The following CNTNAP2 variants were observed in gnomAD, a reference collection of about 807,000 sequenced individuals.
CNTNAP2 encodes contactin associated protein 2.
In CNTNAP2, 98 loss-of-function variants were observed where a neutral mutation model predicts 155.2. The observed-to-expected ratio is 0.63, with a 90% CI of 0.54 to 0.75. The LOEUF (loss-of-function observed/expected upper bound fraction) is 0.75. Ranked by LOEUF, CNTNAP2 falls within the 30% of genes least tolerant of loss-of-function variation. CNTNAP2 has a pLI of 0.00. For synonymous variants in CNTNAP2, 651 were observed against 631.2 expected (o/e 1.03, Z -0.47); for missense variants, 1,727 against 1,688.1 (o/e 1.02, Z -0.40).
At chr7:146,634,255 T>A (rs1799561527) in intron 1 of CNTNAP2, among the ~76,000 whole-genome samples, 1 of 152,208 alleles carries the variant, frequency 6.6e-6, no homozygotes, top group Non-Finnish European at 1.5e-5. Context: ...CTTCAAAATA[T>A]TTCTGAAAAC....
chr7:146,956,242 C>T (rs1797433275), intron 3 of CNTNAP2, among the ~76,000 whole-genome samples: 3 of 152,110 alleles, frequency 2.0e-5, no homozygotes, highest in Admixed American at 2.0e-4. Context: ...CAGAGATATT[C>T]TGCACTGACC....
chr7:147,515,333 GTTTGT>G, intron 11 of CNTNAP2, among the ~76,000 whole-genome samples: 1 of 133,746 alleles, frequency 7.5e-6, no homozygotes, highest in South Asian at 2.4e-4. Flanking sequence ...TTTTTTGTTT[GTTTGT>G]TTTGAGACAA....
chr7:148,247,617 CTCTCTCTCTATT>C (rs1490577427), intron 20 of CNTNAP2, among the ~76,000 whole-genome samples: 11 of 146,776 alleles, frequency 7.5e-5, no homozygotes, highest in Non-Finnish European at 1.2e-4. Flanking sequence ...CTCTCTCTCT[CTCTCTCTCTATT>C]TATTTATTTA....
chr7:147,474,011 G>A (rs556358226), intron 10 of CNTNAP2, among the ~76,000 whole-genome samples: 15 of 151,998 alleles, frequency 9.9e-5, no homozygotes, highest in Non-Finnish European at 1.8e-4. Context: ...CCTTGGAGGC[G>A]GAGGTTGTGG....
chr7:147,372,885 G>A (rs182099148), intron 9 of CNTNAP2, among the ~76,000 whole-genome samples: 1 of 152,118 alleles, frequency 6.6e-6, no homozygotes, highest in East Asian at 1.9e-4. Flanking sequence ...AAAGCTCCCT[G>A]TCTATGGGCA....
intron 1 of CNTNAP2, among the ~76,000 whole-genome samples, chr7:146,268,433 A>C (rs1324763880): frequency 6.6e-6 from 1 of 152,176 alleles, no homozygotes; most frequent in African/African-American, 2.4e-5. Flanking sequence ...GGACCAAATA[A>C]ATCTTCATGT....
At position 146,384,809 on chromosome 7, in the gene CNTNAP2, C is replaced by T. The variant is rs146761547; in HGVS notation, c.97+267836C>T. 8.3e-3 allele frequency among the ~76,000 whole-genome samples: 1,267 copies of T among 152,216 alleles called. 19 individuals are homozygous for T. Among genetic ancestry groups the T allele is most frequent in the African/African-American group, 0.029 (1,196 of 41,550 alleles). On this transcript the variant is annotated intron_variant, in intron 1 of 23. Coordinates refer to ENST00000361727, the MANE Select transcript of CNTNAP2 (RefSeq NM_014141.6). ...TGTCTTCTGAAAGGCCTTTTGACTCCTTGACTGTGTTAGTCTTTTTTCGAT... is the reference window on the plus strand; with the variant it reads ...TGTCTTCTGAAAGGCCTTTTGACTCTTTGACTGTGTTAGTCTTTTTTCGAT...
At chr7:146,597,406 TA>T (rs548659234) in intron 1 of CNTNAP2, among the ~76,000 whole-genome samples, 1 of 151,998 alleles carries the variant, frequency 6.6e-6, no homozygotes, top group Admixed American at 6.6e-5. Context: ...ATGGCAATTT[TA>T]AAAAAATGAA....
chr7:147,595,428 TA>T (rs1800809950), intron 12 of CNTNAP2, among the ~76,000 whole-genome samples: 2 of 152,212 alleles, frequency 1.3e-5, no homozygotes, highest in African/African-American at 4.8e-5. Context: ...GGTCTGGATA[TA>T]AATGTTACTC....
At chr7:147,334,334 G>T (rs1351693760) in intron 9 of CNTNAP2, among the ~76,000 whole-genome samples, 4 of 152,108 alleles carry the variant, frequency 2.6e-5, no homozygotes, top group Non-Finnish European at 5.9e-5. Context: ...GGAATTGCTT[G>T]TCTCTTTCTT....
At chr7:147,604,564 A>ACTTCTCTGCCCCACCCACTTTG (rs1436397133) in intron 12 of CNTNAP2, among the ~76,000 whole-genome samples, 1 of 152,122 alleles carries the variant, frequency 6.6e-6, no homozygotes, top group Non-Finnish European at 1.5e-5. Flanking sequence ...GGAGCCTGCT[A>ACTTCTCTGCCCCACCCACTTTG]CTTCTCTGCC....
intron 3 of CNTNAP2, among the ~76,000 whole-genome samples, chr7:146,957,885 A>G (rs936064273): frequency 1.3e-5 from 2 of 152,206 alleles, no homozygotes; most frequent in Admixed American, 1.3e-4. Context: ...TGGACTTATC[A>G]AGAATGATAA....
At position 147,358,187 on chromosome 7, in the gene CNTNAP2, C is replaced by A. The variant is rs548405493; in HGVS notation, c.1499-37422C>A. 5.9e-5 allele frequency among the ~76,000 whole-genome samples: 9 copies of A among 152,200 alleles called. No homozygotes were observed. In the South Asian group the frequency reaches 1.7e-3, roughly 28 times the overall value. On this transcript the variant is annotated intron_variant, in intron 9 of 23. Coordinates refer to ENST00000361727, the MANE Select transcript of CNTNAP2 (RefSeq NM_014141.6). ...AAATAAGTGTACTTTTACCAATTTA[C>A]CAGTAAACAGATCTTGTCACAGAAA...
At chr7:147,634,497 T>C (rs1418633259) in intron 12 of CNTNAP2, among the ~76,000 whole-genome samples, 4 of 152,040 alleles carry the variant, frequency 2.6e-5, no homozygotes, top group African/African-American at 7.2e-5. Flanking sequence ...TTGGGTACAG[T>C]GTACACTGCT....
chr7:147,090,207 G>A (rs1287313432), intron 4 of CNTNAP2, among the ~76,000 whole-genome samples: 1 of 152,024 alleles, frequency 6.6e-6, no homozygotes, highest in Non-Finnish European at 1.5e-5. Context: ...CTAAGTGGGT[G>A]GATTAGAATA....
At chr7:147,236,720 C>G (rs1169053343) in intron 8 of CNTNAP2, among the ~76,000 whole-genome samples, 3 of 152,044 alleles carry the variant, frequency 2.0e-5, no homozygotes, top group African/African-American at 7.2e-5. Context: ...TCCTGTATGA[C>G]TTATTTTGAT....
In CNTNAP2 at chr7:146,484,486, C is replaced by T. The variant is rs13438647; in HGVS notation, c.98-289785C>T. On this transcript the variant is annotated intron_variant, in intron 1 of 23. Transcript: ENST00000361727. ...TTTAAACTTTTTTGTTTATATTCATCAGATTTGCAGGATAACATAAATACT... is the reference window on the plus strand; with the variant it reads ...TTTAAACTTTTTTGTTTATATTCATTAGATTTGCAGGATAACATAAATACT... 5.2e-3 allele frequency among the ~76,000 whole-genome samples: 789 copies of T among 152,126 alleles called. 8 individuals are homozygous for T. Among genetic ancestry groups the T allele is most frequent in the African/African-American group, 0.018 (739 of 41,496 alleles).
rs1363331521 is a variant in CNTNAP2, at chr7:146,275,778, T to C, written c.97+158805T>C. ...ATTTAATGTGATTCTATGATTCTCG[T>C]TTATAGAACTGGAGGTTTCGCATTT... is the stretch of plus-strand genomic sequence containing the variant. On this transcript the variant is annotated intron_variant, in intron 1 of 23. Transcript: ENST00000361727. Among the ~76,000 whole-genome samples, 7 of 152,322 alleles carry C rather than the reference T, an allele frequency of 4.6e-5. 1 individual carries two copies. The South Asian group carries it at 1.5e-3, about 32-fold the overall frequency.
chr7:147,510,886 A>G (rs1460295766), intron 11 of CNTNAP2, among the ~76,000 whole-genome samples: 6 of 44,550 alleles, frequency 1.3e-4, no homozygotes, highest in African/African-American at 2.8e-4. Flanking sequence ...TTCCTCATAT[A>G]TATATACATG....
Sources: gnomAD v4.1 joint callset for allele counts (sites outside exome capture counted in the v4.1 genomes callset) on GRCh38, gnomAD v4.1.1 for gene constraint, MANE v1.5 for transcripts, NCBI Gene and HGNC (gene_info 2026-07-23, HGNC 2026-07-21) for gene names.